The following NRBP2 variants were observed in gnomAD, a reference collection of about 807,000 sequenced individuals.
The protein encoded by NRBP2 is nuclear receptor-binding protein 2.
Under a neutral mutation model 74.4 loss-of-function variants are expected in NRBP2, and 47 were observed. That is an observed-to-expected ratio of 0.63 (90% confidence interval 0.50 to 0.81). The LOEUF is 0.81. Ranked by LOEUF, NRBP2 falls within the 30% of genes least tolerant of loss-of-function variation. NRBP2 has a pLI of 0.00. For missense variants in NRBP2, 613 were observed against 690.1 expected, an observed-to-expected ratio of 0.89 and a Z score of 1.25; for synonymous variants, 312 against 273.8, an observed-to-expected ratio of 1.14 and a Z score of -1.38.
rs1554652401 is a variant in NRBP2, at chr8:143,837,905, CA to C, written c.841-151del. 2 of 954,046 alleles carry C rather than the reference CA, an allele frequency of 2.1e-6. No homozygotes were observed. Among genetic ancestry groups the C allele is most frequent in the South Asian group, 2.8e-5 (2 of 71,942 alleles). The allele number at this position is 954,046 out of a possible 1,614,324, so 59.1% of individuals were successfully genotyped here. ...TGCCCATAGGGAGGAGTCCCAGCAG[CA>C]GCAGCCAGGCCAGGACCTGGTCCTC... On this transcript the variant is annotated intron_variant, in intron 10 of 17. Transcript: ENST00000442628. The surrounding 1 kb of genome is among the most constrained non-coding windows in gnomAD (Gnocchi z 4.3).
chr8:143,831,192 A>T (rs745354127), downstream of NRBP2, among the ~76,000 whole-genome samples: 3 of 152,234 alleles, frequency 2.0e-5, no homozygotes, highest in Non-Finnish European at 4.4e-5. Flanking sequence ...TGGGATCCTC[A>T]CAACCCAGTG....
rs1818308091 is a variant in NRBP2, at chr8:143,835,248, C to T, written c.*414G>A. ...GCAGGGGATGGCTGCTCTCCCAGAC[C>T]CCATGGAGCAGTTCCCTGGGCAGAG... On this transcript the variant is annotated 3_prime_UTR_variant, in exon 18 of 18. Transcript: ENST00000442628. This position sits in a 1 kb window ranked among gnomAD's most constrained non-coding sequence, Gnocchi z 4.9. 1.7e-5 allele frequency: 4 copies of T among 230,978 alleles called. No homozygotes were observed. The South Asian group carries it at 2.2e-4, about 12-fold the overall frequency. 14.3% of individuals were successfully genotyped at this position (230,978 alleles called of 1,614,324 possible).
chr8:143,832,719 T>C (rs1818207165), downstream of NRBP2, among the ~76,000 whole-genome samples: 2 of 152,178 alleles, frequency 1.3e-5, no homozygotes, highest in African/African-American at 2.4e-5. Flanking sequence ...GCTGACCCTC[T>C]CCCCACTATT....
At chr8:143,838,552 G>A in intron 10 of NRBP2, 128 bp downstream of exon 10, 1 of 684,508 alleles carries the variant, frequency 1.5e-6, no homozygotes, top group South Asian at 1.8e-5. Flanking sequence ...CTTTGGGAGG[G>A]GTGCAGTCAG....
Position 143,837,128 on chromosome 8 carries a change from C to G in NRBP2, c.1174G>C (p.Gly392Arg). 1.2e-6 allele frequency: 2 copies of G among 1,612,496 alleles called. No homozygotes were observed. The highest frequency in any genetic ancestry group is 1.7e-6 in the Non-Finnish European group (2 of 1,178,966). Residue 392 changes from glycine (G) to arginine (R), a missense_variant, in exon 14 of 18, where the codon GGG becomes CGG. Physicochemically the swap from Gly to Arg is moderately radical, Grantham distance 125. Coordinates refer to ENST00000442628, the MANE Select transcript of NRBP2 (RefSeq NM_178564.4). The surrounding 1 kb of genome is among the most constrained non-coding windows in gnomAD (Gnocchi z 4.3). ...GGTGGGGCCAGCACACGGGGCAGCC[C>G]CAGGGGTCGAGTGGCTGCAAAGTTC... The part of the protein sequence containing the change: ...LMNFAATRPL[G>R]LPRVLAPPPE...
In NRBP2 at chr8:143,840,754, GTCGCTCTCGTCC is replaced by G. The variant is rs1162257590; in HGVS notation, c.69_80del (p.Glu23_Ser26del). 6 of 1,514,496 alleles carry G rather than the reference GTCGCTCTCGTCC, an allele frequency of 4.0e-6. No individual in the cohort carries two copies. Among genetic ancestry groups the G allele is most frequent in the Non-Finnish European group, 5.3e-6 (6 of 1,137,420 alleles). 93.8% of individuals were successfully genotyped at this position (1,514,496 alleles called of 1,614,324 possible). A position where few individuals can be genotyped will look rare whatever the true frequency, so the allele number is the denominator to read the frequency against. ...GACCACACGGGCTTTCCTCCAGGAT[GTCGCTCTCGTCC>G]TCGCTCTCGTCCTCCCGCTCCCGCT... On this transcript the variant is annotated inframe_deletion, in exon 1 of 18. Transcript: ENST00000442628. The surrounding 1 kb of genome is among the most constrained non-coding windows in gnomAD (Gnocchi z 5.7).
chr8:143,837,862 ACAC>A lies in NRBP2; in HGVS notation c.841-110_841-108del. On this transcript the variant is annotated intron_variant, in intron 10 of 17. Transcript: ENST00000442628. This position sits in a 1 kb window ranked among gnomAD's most constrained non-coding sequence, Gnocchi z 4.3. ...GTTCCCCATGTCCCTCCTCAGGGACACACAGGACATGCAGGGATGCCCATAGGG... is the reference window on the plus strand; with the variant it reads ...GTTCCCCATGTCCCTCCTCAGGGACAAGGACATGCAGGGATGCCCATAGGG... The A allele has an allele frequency of 6.5e-6, 9 of 1,386,740 alleles. No individual in the cohort carries two copies. The highest frequency in any genetic ancestry group is 7.9e-6 in the Non-Finnish European group (8 of 1,006,322). 85.9% of individuals were successfully genotyped at this position (1,386,740 alleles called of 1,614,324 possible). A position where few individuals can be genotyped will look rare whatever the true frequency, so the allele number is the denominator to read the frequency against.
rs1445711930 is a variant in NRBP2, at chr8:143,839,049, C to T, written c.656G>A (p.Arg219Gln). ...SPIRAEREELRNLHFFPPEYG... is the reference protein window; with the variant it reads ...SPIRAEREELQNLHFFPPEYG... ...CTCTGGGGGGAAGAAGTGCAGGTTCCGAAGTTCCTCTCGCTCAGCGCGGAT... is the reference window on the plus strand; with the variant it reads ...CTCTGGGGGGAAGAAGTGCAGGTTCTGAAGTTCCTCTCGCTCAGCGCGGAT... The change falls in exon 8 of 18, where the codon CGG becomes CAG. Residue 219 changes from arginine (R) to glutamine (Q), a missense_variant. Arg to Gln is a conservative substitution (Grantham distance 43, BLOSUM62 1). This residue lies in a region of NRBP2 where 332 missense variants were observed against 429.2 expected (regional missense o/e 0.77). Transcript: ENST00000442628. This position sits in a 1 kb window ranked among gnomAD's most constrained non-coding sequence, Gnocchi z 5.1. 2.6e-6 allele frequency: 4 copies of T among 1,539,120 alleles called. No individual in the cohort carries two copies. Among genetic ancestry groups the T allele is most frequent in the African/African-American group, 2.7e-5 (2 of 73,002 alleles).
In NRBP2 at chr8:143,838,103, T is replaced by C. The variant is rs912178073; in HGVS notation, c.841-348A>G. On this transcript the variant is annotated intron_variant, in intron 10 of 17. Coordinates refer to ENST00000442628, the MANE Select transcript of NRBP2 (RefSeq NM_178564.4). Reference sequence around the variant, plus strand: ...CAACACTGGAGACGACCTTGATGGGTCCCCACTCTGTCCACATCCGTGCCC... The same window carrying C: ...CAACACTGGAGACGACCTTGATGGGCCCCCACTCTGTCCACATCCGTGCCC... 11 of 521,304 alleles carry C rather than the reference T, an allele frequency of 2.1e-5. No individual in the cohort carries two copies. In the African/African-American group the frequency reaches 2.1e-4, roughly 10 times the overall value. The allele number at this position is 521,304 out of a possible 1,614,324, so 32.3% of individuals were successfully genotyped here.
In NRBP2 at chr8:143,837,873, G is replaced by T; in HGVS notation, c.841-118C>A. On this transcript the variant is annotated intron_variant, in intron 10 of 17. Transcript: ENST00000442628. This position sits in a 1 kb window ranked among gnomAD's most constrained non-coding sequence, Gnocchi z 4.3. Reference sequence around the variant, plus strand: ...CCCTCCTCAGGGACACACAGGACATGCAGGGATGCCCATAGGGAGGAGTCC... The same window carrying T: ...CCCTCCTCAGGGACACACAGGACATTCAGGGATGCCCATAGGGAGGAGTCC... 1 of 1,290,428 alleles carries T rather than the reference G, an allele frequency of 7.7e-7. No individual in the cohort carries two copies. Among genetic ancestry groups the T allele is most frequent in the Non-Finnish European group, 1.1e-6 (1 of 920,032 alleles). 79.9% of individuals were successfully genotyped at this position (1,290,428 alleles called of 1,614,324 possible).
rs1302012307 is a variant in NRBP2 at position 143,837,919 on chromosome 8, G to A, written c.841-164C>T. On this transcript the variant is annotated intron_variant, in intron 10 of 17. Coordinates refer to ENST00000442628, the MANE Select transcript of NRBP2 (RefSeq NM_178564.4). This position sits in a 1 kb window ranked among gnomAD's most constrained non-coding sequence, Gnocchi z 4.3. Reference sequence around the variant, plus strand: ...AGTCCCAGCAGCAGCAGCCAGGCCAGGACCTGGTCCTCTGAGCTTGAGGAC... The same window carrying A: ...AGTCCCAGCAGCAGCAGCCAGGCCAAGACCTGGTCCTCTGAGCTTGAGGAC... The A allele has an allele frequency of 1.7e-5, 14 of 838,000 alleles. No homozygotes were observed. The highest frequency in any genetic ancestry group is 1.7e-5 in the African/African-American group (1 of 59,922). The allele number at this position is 838,000 out of a possible 1,614,324, so 51.9% of individuals were successfully genotyped here. A position where few individuals can be genotyped will look rare whatever the true frequency, so the allele number is the denominator to read the frequency against.
chr8:143,832,364 C>T (rs1214494350), downstream of NRBP2, among the ~76,000 whole-genome samples: 1 of 151,968 alleles, frequency 6.6e-6, no homozygotes, highest in Admixed American at 6.6e-5. Context: ...AATATGGCCT[C>T]GTGGGATGGG....
Position 143,839,691 on chromosome 8 carries a change from CA to C in NRBP2, c.444+44del. 2 of 1,534,014 alleles carry C rather than the reference CA, an allele frequency of 1.3e-6. No individual in the cohort carries two copies. The highest frequency in any genetic ancestry group is 8.7e-7 in the Non-Finnish European group (1 of 1,145,630). ...ACCATCCCAGTCCCCGAGGCTGCCC[CA>C]ACCCCGTCCTGTCCCCGTGGCTGCC... On this transcript the variant is annotated intron_variant, in intron 4 of 17. Coordinates refer to ENST00000442628, the MANE Select transcript of NRBP2 (RefSeq NM_178564.4). This position sits in a 1 kb window ranked among gnomAD's most constrained non-coding sequence, Gnocchi z 5.1.
chr8:143,840,817 C>T lies in NRBP2; in HGVS notation c.18G>A (p.Pro6=). The T allele has an allele frequency of 6.7e-7, 1 of 1,491,738 alleles. No individual in the cohort carries two copies. Among genetic ancestry groups the T allele is most frequent in the Non-Finnish European group, 8.9e-7 (1 of 1,126,300 alleles). The allele number at this position is 1,491,738 out of a possible 1,614,324, so 92.4% of individuals were successfully genotyped here. A position where few individuals can be genotyped will look rare whatever the true frequency, so the allele number is the denominator to read the frequency against. The stretch of plus-strand genomic sequence containing the variant: ...CCCGTTCCCGGGCCCGCCTCGGCGC[C>T]GGCTCCGGGGCCGCCATGGTTCGGC... MAAPE[P]APRRARERER... The change falls in exon 1 of 18, where the codon CCG becomes CCA. Residue 6 remains proline, a synonymous_variant. Coordinates refer to ENST00000442628, the MANE Select transcript of NRBP2 (RefSeq NM_178564.4). This position sits in a 1 kb window ranked among gnomAD's most constrained non-coding sequence, Gnocchi z 5.7.
Position 143,837,610 on chromosome 8 carries a change from GC to G in NRBP2, c.973+12del, listed in dbSNP as rs1818478934. ...ACCTCCCCAGCCACCCCCCGGGCCG[GC>G]CTGCTGCTCACACTGGTGCTGGATG... On this transcript the variant is annotated intron_variant, in intron 11 of 17. Transcript: ENST00000442628. This position sits in a 1 kb window ranked among gnomAD's most constrained non-coding sequence, Gnocchi z 4.3. 1 of 1,598,950 alleles carries G rather than the reference GC, an allele frequency of 6.3e-7. No individual in the cohort carries two copies. Among genetic ancestry groups the G allele is most frequent in the African/African-American group, 1.3e-5 (1 of 74,750 alleles).
rs782345431 is a variant in NRBP2, at chr8:143,839,829, C to A, written c.355-4G>T. The A allele has an allele frequency of 9.1e-6, 14 of 1,536,094 alleles. No individual in the cohort carries two copies. The Admixed American group carries it at 2.7e-4, about 30-fold the overall frequency. On this transcript the variant is annotated splice_region_variant and splice_polypyrimidine_tract_variant and intron_variant, in intron 3 of 17. Transcript: ENST00000442628. The surrounding 1 kb of genome is among the most constrained non-coding windows in gnomAD (Gnocchi z 5.1). ...CGTACTCTGTGATGAAGATGACCTG[C>A]ACGGTGCGAGCTCAGGATTTCCACC... is the stretch of plus-strand genomic sequence containing the variant.
At chr8:143,832,854 T>C (rs1232772748), downstream of NRBP2, among the ~76,000 whole-genome samples, 3 of 152,230 alleles carry the variant, frequency 2.0e-5, no homozygotes, top group Admixed American at 2.0e-4. Flanking sequence ...GGTCCCCTTA[T>C]TTCTTTCTCT....
rs1255710072 is a variant in NRBP2, at chr8:143,840,509, G to A, written c.129+197C>T. The A allele has an allele frequency of 1.5e-6, 1 of 663,302 alleles. No individual in the cohort carries two copies. Among genetic ancestry groups the A allele is most frequent in the South Asian group, 2.0e-5 (1 of 49,174 alleles). 41.1% of individuals were successfully genotyped at this position (663,302 alleles called of 1,614,324 possible). A position where few individuals can be genotyped will look rare whatever the true frequency, so the allele number is the denominator to read the frequency against. On this transcript the variant is annotated intron_variant, in intron 1 of 17. Coordinates refer to ENST00000442628, the MANE Select transcript of NRBP2 (RefSeq NM_178564.4). This position sits in a 1 kb window ranked among gnomAD's most constrained non-coding sequence, Gnocchi z 5.7. ...AGGCATGGGGAGGTGGTCCTGGGAG[G>A]AGACTGGCCCTCAGGGAGTCCCAGG...
downstream of NRBP2, among the ~76,000 whole-genome samples, chr8:143,831,122 G>T (rs554076117): frequency 6.6e-6 from 1 of 152,346 alleles, no homozygotes; most frequent in African/African-American, 2.4e-5. Context: ...AGCTTCCCTT[G>T]GCAATAATGT....
Sources: gnomAD v4.1 joint callset for allele counts (sites outside exome capture counted in the v4.1 genomes callset) on GRCh38, gnomAD v4.1.1 for gene constraint, gnomAD v4.1.1 regional missense constraint, Gnocchi (gnomAD v3.1) non-coding constraint, MANE v1.5 for transcripts, NCBI Gene and HGNC (gene_info 2026-07-23, HGNC 2026-07-21) for gene names.